MYLK: variants seen among roughly 807,000 people sequenced by gnomAD.
MYLK encodes myosin light chain kinase, smooth muscle.
In MYLK, 106 loss-of-function variants were observed where a neutral mutation model predicts 203.4. That is an observed-to-expected ratio of 0.52 (90% CI 0.45 to 0.61). The LOEUF (loss-of-function observed/expected upper bound fraction) is 0.61. Among genes scored for constraint, MYLK ranks in the 20% least tolerant of loss-of-function variants. The pLI, the probability that MYLK is intolerant of heterozygous loss-of-function variation, is 0.00. For missense variants in MYLK, 2,072 were observed against 2,442.3 expected, an observed-to-expected ratio of 0.85 and a Z score of 3.20; for synonymous variants, 867 against 959.5, an observed-to-expected ratio of 0.90 and a Z score of 1.78.
intron 23 of MYLK, among the ~76,000 whole-genome samples, chr3:123,662,712 C>T (rs377230734): frequency 3.9e-5 from 6 of 152,182 alleles, no homozygotes; most frequent in Admixed American, 1.3e-4. Flanking sequence ...TGTGTGCCCA[C>T]GTGTGTGTGC....
chr3:123,879,759 C>G (rs1001006002), intron 1 of MYLK, among the ~76,000 whole-genome samples: 4 of 152,132 alleles, frequency 2.6e-5, no homozygotes, highest in African/African-American at 9.7e-5. Context: ...CTCAGCCTCC[C>G]GAGTTGCTGG....
At chr3:123,871,739 A>C (rs191010290) in intron 2 of MYLK, among the ~76,000 whole-genome samples, 59 of 151,558 alleles carry the variant, frequency 3.9e-4, no homozygotes, top group South Asian at 2.5e-3. Flanking sequence ...AACTTTCAGG[A>C]ATAAATAACA....
At chr3:123,803,780 T>TTC (rs1315006739) in intron 3 of MYLK, among the ~76,000 whole-genome samples, 2 of 152,186 alleles carry the variant, frequency 1.3e-5, no homozygotes. Flanking sequence ...GAGACACACC[T>TTC]GTGAGACAGC....
At chr3:123,638,590 C>T in intron 28 of MYLK, 1 of 231,400 alleles carries the variant, frequency 4.3e-6, no homozygotes, top group Non-Finnish European at 7.1e-6. Flanking sequence ...GGTTCTCACC[C>T]ACCCCAAGGG....
chr3:123,843,883 T>C (rs1234670259), intron 2 of MYLK, among the ~76,000 whole-genome samples: 2 of 152,190 alleles, frequency 1.3e-5, no homozygotes, highest in Non-Finnish European at 2.9e-5. Context: ...GCTGGGATGC[T>C]TCTGCTCTAA....
intron 20 of MYLK, among the ~76,000 whole-genome samples, chr3:123,679,833 T>G (rs953456310): frequency 1.3e-5 from 2 of 152,272 alleles, no homozygotes; most frequent in African/African-American, 4.8e-5. Context: ...CTGGGCAACA[T>G]GATACCCTAA....
At position 123,700,132 on chromosome 3, in the gene MYLK, G is replaced by T. The variant is rs1060504648; in HGVS notation, c.3336C>A (p.Gly1112=). The T allele has an allele frequency of 1.2e-5, 20 of 1,613,828 alleles. No individual in the cohort carries two copies. Among genetic ancestry groups the T allele is most frequent in the Non-Finnish European group, 1.6e-5 (19 of 1,179,976 alleles). The part of the protein sequence containing the change: ...QKLQDVHVAE[G]KKLLLQCQVS... ...CCTGGCACTGGAGCAGCAGCTTCTT[G>T]CCCTCTGCCACATGAACATCTTGCA... is the stretch of plus-strand genomic sequence containing the variant. Residue 1112 remains glycine, a synonymous_variant, in exon 18 of 34, where the codon GGC becomes GGA. Transcript: ENST00000360304.
rs1394443482 is a variant in MYLK at position 123,629,958 on chromosome 3, C to CTAGA, written c.4962-336_4962-333dup. On this transcript the variant is annotated intron_variant, in intron 29 of 33. Transcript: ENST00000360304. The surrounding 1 kb of genome is among the most constrained non-coding windows in gnomAD (Gnocchi z 4.4). ...TTTCTATTATTCCCCAAAGCCCAGG[C>CTAGA]TAGAGCCTTCTCCAAGCCCCTTCCT... 1 of 338,704 alleles carries CTAGA rather than the reference C, an allele frequency of 3.0e-6. No individual in the cohort carries two copies. Among genetic ancestry groups the CTAGA allele is most frequent in the Non-Finnish European group, 5.7e-6 (1 of 176,564 alleles). The allele number at this position is 338,704 out of a possible 1,614,324, so 21.0% of individuals were successfully genotyped here. A position where few individuals can be genotyped will look rare whatever the true frequency, so the allele number is the denominator to read the frequency against.
chr3:123,691,563 A>G (rs963279314), intron 19 of MYLK: 1 of 152,210 alleles, frequency 6.6e-6, no homozygotes, highest in African/African-American at 2.4e-5. Context: ...TCTCCCATTC[A>G]TCATGTTCCA....
chr3:123,788,220 T>C (rs1178444132), intron 4 of MYLK, among the ~76,000 whole-genome samples: 1 of 152,136 alleles, frequency 6.6e-6, no homozygotes, highest in Non-Finnish European at 1.5e-5. Context: ...TCAATTCCTA[T>C]AGTAGAAACT....
At chr3:123,836,737 C>G (rs998918939) in intron 2 of MYLK, among the ~76,000 whole-genome samples, 6 of 152,174 alleles carry the variant, frequency 3.9e-5, no homozygotes, top group African/African-American at 1.4e-4. Context: ...TCAGCCAGGT[C>G]ATTAAAATTC....
chr3:123,638,710 A>G, intron 28 of MYLK: 1 of 975,854 alleles, frequency 1.0e-6, no homozygotes, highest in South Asian at 4.8e-5. Flanking sequence ...AGGTAGTCCA[A>G]CTCCTGAGCC....
At chr3:123,620,484 G>T in intron 31 of MYLK, 148 bp from the exon 32 acceptor site, 1 of 1,558,614 alleles carries the variant, frequency 6.4e-7, no homozygotes, top group South Asian at 1.2e-5. Context: ...TCTGCCAGAG[G>T]AGCGAACCCA....
chr3:123,854,504 G>A lies in MYLK; in HGVS notation c.-127+22055C>T, dbSNP rs73857536. ...ATAAATATATTTTATCAATTTCTAT[G>A]TTTACCATTGCCTCTTACATTGTAC... On this transcript the variant is annotated intron_variant, in intron 2 of 33. Transcript: ENST00000360304. Among the ~76,000 whole-genome samples the A allele has an allele frequency of 6.9e-3, 1,055 of 151,976 alleles. 19 individuals carry two copies. Among genetic ancestry groups the A allele is most frequent in the African/African-American group, 0.024 (1,000 of 41,468 alleles).
In MYLK at chr3:123,692,820, T is replaced by G; in HGVS notation, c.3480A>C (p.Ala1160=). 6.2e-7 allele frequency: 1 copy of G among 1,614,044 alleles called. No homozygotes were observed. Among genetic ancestry groups the G allele is most frequent in the Non-Finnish European group, 8.5e-7 (1 of 1,180,014 alleles). Reference sequence around the variant, plus strand: ...TGTATAAGCCTCTGTCCTCAGGCAGTGCCTTCTCGATGGAGACGGAGCAGA... The same window carrying G: ...TGTATAAGCCTCTGTCCTCAGGCAGGGCCTTCTCGATGGAGACGGAGCAGA... ...GSLCSVSIEK[A]LPEDRGLYKC... The change falls in exon 19 of 34, where the codon GCA becomes GCC. Residue 1160 remains alanine, a synonymous_variant. Coordinates refer to ENST00000360304, the MANE Select transcript of MYLK (RefSeq NM_053025.4).
At chr3:123,842,776 A>AC (rs1248974708) in intron 2 of MYLK, among the ~76,000 whole-genome samples, 8 of 152,226 alleles carry the variant, frequency 5.3e-5, no homozygotes, top group Non-Finnish European at 1.0e-4. Flanking sequence ...ATACTTACAT[A>AC]CCAGTCAGTG....
At chr3:123,652,235 G>A (rs775153649) in intron 24 of MYLK, among the ~76,000 whole-genome samples, 10 of 152,016 alleles carry the variant, frequency 6.6e-5, no homozygotes, top group Non-Finnish European at 1.2e-4. Context: ...ATAAAGGGTT[G>A]TTGAGAAAGG....
At chr3:123,793,912 T>C in intron 3 of MYLK, 68 bp from the exon 4 acceptor site, 1 of 1,579,330 alleles carries the variant, frequency 6.3e-7, no homozygotes, top group Non-Finnish European at 8.7e-7. Flanking sequence ...CCTTCAGGCA[T>C]CAGGTGTGTC....
At chr3:123,823,372 C>G (rs1417060529) in intron 3 of MYLK, among the ~76,000 whole-genome samples, 2 of 152,184 alleles carry the variant, frequency 1.3e-5, no homozygotes. Flanking sequence ...ACAAGACATA[C>G]AGGACCTCTC....
Sources: allele counts gnomAD v4.1 joint callset (sites outside exome capture counted in the v4.1 genomes callset), GRCh38; gene constraint gnomAD v4.1.1; non-coding constraint Gnocchi (gnomAD v3.1); transcripts MANE v1.5; gene names NCBI Gene and HGNC (gene_info 2026-07-23, HGNC 2026-07-21).